The following GRIK2 variants were observed in gnomAD, a reference collection of about 807,000 sequenced individuals.
The protein encoded by GRIK2 is glutamate receptor ionotropic, kainate 2.
Under a neutral mutation model 100.3 loss-of-function variants are expected in GRIK2, and 32 were observed. The ratio of observed to expected loss-of-function variants is 0.32; its 90% CI spans 0.24 to 0.43. The LOEUF is 0.43. GRIK2 is among the 20% of genes least tolerant of loss of function. The probability of loss-of-function intolerance (pLI) is 1.00; values close to 1 mark genes in which losing one functional copy is unlikely to be tolerated. For synonymous variants in GRIK2, 417 were observed against 389.4 expected (o/e 1.07, Z -0.83); for missense variants, 843 against 1,114.9 (o/e 0.76, Z 3.47).
chr6:101,789,461 G>C (rs1779674241), intron 7 of GRIK2, among the ~76,000 whole-genome samples: 2 of 152,100 alleles, frequency 1.3e-5, no homozygotes, highest in African/African-American at 4.8e-5. Flanking sequence ...ATTAAATAGG[G>C]AATCCTTTCC....
intron 10 of GRIK2, among the ~76,000 whole-genome samples, chr6:101,823,154 TTAAACTA>T (rs1376067861): frequency 1.3e-5 from 2 of 152,118 alleles, no homozygotes; most frequent in Non-Finnish European, 2.9e-5. Flanking sequence ...TTTACTCTCT[TTAAACTA>T]TAATCTCAGA....
At chr6:102,056,050 T>A (rs529298384) in intron 16 of GRIK2, among the ~76,000 whole-genome samples, 1 of 151,904 alleles carries the variant, frequency 6.6e-6, no homozygotes, top group Non-Finnish European at 1.5e-5. Flanking sequence ...TCCAATAAAT[T>A]TCTAGTTTAA....
intron 4 of GRIK2, among the ~76,000 whole-genome samples, chr6:101,635,075 G>C (rs193143154): frequency 1.4e-3 from 216 of 152,144 alleles, no homozygotes; most frequent in African/African-American, 5.0e-3. Context: ...TTTATATTAT[G>C]AAGCATACAA....
chr6:101,602,979 G>A (rs181749853), intron 2 of GRIK2, among the ~76,000 whole-genome samples: 119 of 151,710 alleles, frequency 7.8e-4, no homozygotes, highest in African/African-American at 2.8e-3. Flanking sequence ...TCTTATAGCA[G>A]GGTCTTACAG....
rs542022018 is a variant in GRIK2, at chr6:101,907,467, G to T, written c.1749-17134G>T. ...AAGCTGAAACTTAAAGAAATAAGATGACCTAACAAGAATCCATATTTAATC... is the reference window on the plus strand; with the variant it reads ...AAGCTGAAACTTAAAGAAATAAGATTACCTAACAAGAATCCATATTTAATC... On this transcript the variant is annotated intron_variant, in intron 12 of 16. Transcript: ENST00000369134. Among the ~76,000 whole-genome samples, 4 of 151,730 alleles carry T rather than the reference G, an allele frequency of 2.6e-5. No homozygotes were observed. The South Asian group carries it at 8.3e-4, about 32-fold the overall frequency.
At chr6:101,414,484 T>TC (rs2128238756) in intron 2 of GRIK2, among the ~76,000 whole-genome samples, 1 of 152,162 alleles carries the variant, frequency 6.6e-6, no homozygotes, top group South Asian at 2.1e-4. Flanking sequence ...ATATCACAGA[T>TC]CCCCCCTGGA....
In GRIK2 at chr6:101,799,797, T is replaced by G; in HGVS notation, c.1095+6T>G. 1 of 1,610,016 alleles carries G rather than the reference T, an allele frequency of 6.2e-7. No homozygotes were observed. The highest frequency in any genetic ancestry group is 8.5e-7 in the Non-Finnish European group (1 of 1,176,608). ...TTATGAGTCTAATTAAAGAGGTAAG[T>G]TAGGAGAAGAACATCTGCCTTGTCT... On this transcript the variant is annotated splice_donor_region_variant and intron_variant, in intron 8 of 16. Transcript: ENST00000369134.
chr6:102,038,578 C>T, intron 15 of GRIK2, among the ~76,000 whole-genome samples: 1 of 151,226 alleles, frequency 6.6e-6, no homozygotes, highest in African/African-American at 2.4e-5. Flanking sequence ...ATTGCTGAAG[C>T]ATACTGAAAA....
intron 12 of GRIK2, among the ~76,000 whole-genome samples, chr6:101,895,151 G>A (rs1212053503): frequency 6.6e-6 from 1 of 151,738 alleles, no homozygotes; most frequent in Non-Finnish European, 1.5e-5. Flanking sequence ...AAGGCAAACA[G>A]TATTAAGTAA....
chr6:101,418,115 G>A (rs943880034), intron 2 of GRIK2, among the ~76,000 whole-genome samples: 1 of 152,182 alleles, frequency 6.6e-6, no homozygotes, highest in African/African-American at 2.4e-5. Flanking sequence ...AGGCAGGCAG[G>A]CACCTGTAAT....
intron 7 of GRIK2, among the ~76,000 whole-genome samples, chr6:101,717,086 G>T (rs1583014264): frequency 6.6e-6 from 1 of 151,822 alleles, no homozygotes; most frequent in Non-Finnish European, 1.5e-5. Context: ...TAATTAAGTA[G>T]CTTTGTGAAG....
At chr6:101,839,728 T>C (rs1783377841) in intron 10 of GRIK2, among the ~76,000 whole-genome samples, 1 of 152,026 alleles carries the variant, frequency 6.6e-6, no homozygotes, top group Admixed American at 6.6e-5. Context: ...AGAAATCAGA[T>C]TTGTAAGATA....
At chr6:101,582,680 A>G (rs1413237636) in intron 2 of GRIK2, among the ~76,000 whole-genome samples, 1 of 152,164 alleles carries the variant, frequency 6.6e-6, no homozygotes, top group East Asian at 1.9e-4. Context: ...AAATGAAAAC[A>G]CGTTGGTAAT....
chr6:101,747,002 T>C (rs2128381765), intron 7 of GRIK2, among the ~76,000 whole-genome samples: 1 of 152,348 alleles, frequency 6.6e-6, no homozygotes, highest in East Asian at 1.9e-4. Flanking sequence ...ATTATTTTTA[T>C]TTTCCCATAA....
At chr6:101,790,156 G>C (rs1244532175) in intron 7 of GRIK2, among the ~76,000 whole-genome samples, 1 of 152,122 alleles carries the variant, frequency 6.6e-6, no homozygotes, top group African/African-American at 2.4e-5. Flanking sequence ...CTGCAAACAA[G>C]GACAATTTGA....
chr6:101,416,833 G>C (rs1363293666), intron 2 of GRIK2, among the ~76,000 whole-genome samples: 1 of 152,180 alleles, frequency 6.6e-6, no homozygotes, highest in Non-Finnish European at 1.5e-5. Flanking sequence ...TGTCATCTAT[G>C]GAGTAGGAAA....
At chr6:101,680,417 A>G (rs990204517) in intron 5 of GRIK2, among the ~76,000 whole-genome samples, 1 of 152,166 alleles carries the variant, frequency 6.6e-6, no homozygotes, top group African/African-American at 2.4e-5. Flanking sequence ...CAAACTCCAC[A>G]TTAGAGACCT....
At chr6:101,883,312 A>C (rs1430956429) in intron 11 of GRIK2, among the ~76,000 whole-genome samples, 1 of 148,350 alleles carries the variant, frequency 6.7e-6, no homozygotes, top group East Asian at 2.0e-4. Context: ...AATAATAATA[A>C]TAATAATAAT....
In GRIK2 at chr6:101,924,661, A is replaced by G. The variant is rs1172662335; in HGVS notation, c.1809A>G (p.Glu603=). Residue 603 remains glutamate, a synonymous_variant, in exon 13 of 17, where the codon GAA becomes GAG. Coordinates refer to ENST00000369134, the MANE Select transcript of GRIK2 (RefSeq NM_021956.5). The stretch of plus-strand genomic sequence containing the variant: ...GCAACCCTGACTCAGACGTGGTGGA[A>G]AACAATTTTACCTTGCTAAATAGTT... ...HPCNPDSDVV[E]NNFTLLNSFW... 6.2e-7 allele frequency: 1 copy of G among 1,612,614 alleles called. No individual in the cohort carries two copies. Among genetic ancestry groups the G allele is most frequent in the South Asian group, 1.1e-5 (1 of 91,056 alleles).
Sources: gnomAD v4.1 joint callset for allele counts (sites outside exome capture counted in the v4.1 genomes callset) on GRCh38, gnomAD v4.1.1 for gene constraint, MANE v1.5 for transcripts, NCBI Gene and HGNC (gene_info 2026-07-23, HGNC 2026-07-21) for gene names.